The following FHIT variants were observed in gnomAD, a reference collection of about 807,000 sequenced individuals.
The protein encoded by FHIT is bis(5'-adenosyl)-triphosphatase.
A neutral mutation model predicts 17.9 loss-of-function variants in FHIT; 19 were observed. The observed-to-expected ratio is 1.06, with a 90% CI of 0.74 to 1.56. FHIT has a LOEUF of 1.56. Among genes scored for constraint, FHIT ranks in the 40% most tolerant of loss-of-function variants. The probability of loss-of-function intolerance (pLI) is 0.00; values close to 1 mark genes in which losing one functional copy is unlikely to be tolerated. For missense variants in FHIT, 248 were observed against 189.2 expected (o/e 1.31, Z -1.82); for synonymous variants, 81 against 69.7 (o/e 1.16, Z -0.81).
At chr3:60,104,360 T>C (rs899635994) in intron 5 of FHIT, among the ~76,000 whole-genome samples, 23 of 152,154 alleles carry the variant, frequency 1.5e-4, no homozygotes, top group African/African-American at 4.3e-4. Context: ...AGTGCTTTGA[T>C]TGTAATTATC....
chr3:60,709,726 AT>A (rs1240545092), intron 4 of FHIT, among the ~76,000 whole-genome samples: 1 of 152,184 alleles, frequency 6.6e-6, no homozygotes, highest in Non-Finnish European at 1.5e-5. Context: ...GTCTTTAAGT[AT>A]TGGGAAGCTG....
At chr3:60,835,395 T>G (rs1454556182) in intron 3 of FHIT, among the ~76,000 whole-genome samples, 2 of 152,214 alleles carry the variant, frequency 1.3e-5, no homozygotes, top group African/African-American at 2.4e-5. Flanking sequence ...TTTTAAAATT[T>G]ATTTCATCAA....
chr3:59,844,731 G>A (rs181144158), intron 8 of FHIT, among the ~76,000 whole-genome samples: 5 of 152,048 alleles, frequency 3.3e-5, no homozygotes, highest in African/African-American at 9.7e-5. Flanking sequence ...CTAGTATTTC[G>A]TTGAAGATTT....
intron 5 of FHIT, among the ~76,000 whole-genome samples, chr3:60,049,709 T>C (rs1701795161): frequency 6.6e-6 from 1 of 152,136 alleles, no homozygotes; most frequent in South Asian, 2.1e-4. Flanking sequence ...AAAAATAAAT[T>C]TTCTTGGTAC....
intron 5 of FHIT, among the ~76,000 whole-genome samples, chr3:60,046,590 G>A (rs1701663618): frequency 6.6e-6 from 1 of 152,170 alleles, no homozygotes; most frequent in Admixed American, 6.5e-5. Flanking sequence ...AAGACAAACA[G>A]AGCTAGCCTC....
intron 5 of FHIT, among the ~76,000 whole-genome samples, chr3:60,084,035 G>GAA (rs5849326): frequency 8.6e-5 from 13 of 152,020 alleles, no homozygotes; most frequent in South Asian, 4.1e-4. Context: ...ATTAAGTGGG[G>GAA]AAAAAATCAC....
chr3:60,248,830 A>G (rs1358041589), intron 5 of FHIT, among the ~76,000 whole-genome samples: 3 of 152,158 alleles, frequency 2.0e-5, no homozygotes, highest in Non-Finnish European at 4.4e-5. Flanking sequence ...TCCCGAATGC[A>G]GGGATAAAAC....
chr3:61,084,503 T>C (rs1229993895), intron 2 of FHIT, among the ~76,000 whole-genome samples: 1 of 152,224 alleles, frequency 6.6e-6, no homozygotes, highest in Non-Finnish European at 1.5e-5. Flanking sequence ...GAGTCACCAA[T>C]TCATGGATAT....
At chr3:61,205,190 A>G (rs1230027186) in intron 1 of FHIT, among the ~76,000 whole-genome samples, 1 of 151,982 alleles carries the variant, frequency 6.6e-6, no homozygotes, top group Non-Finnish European at 1.5e-5. Flanking sequence ...CATGGTGTAT[A>G]TGTGCCACAT....
At chr3:59,778,541 G>A (rs1469514262) in intron 8 of FHIT, among the ~76,000 whole-genome samples, 3 of 152,132 alleles carry the variant, frequency 2.0e-5, no homozygotes, top group Non-Finnish European at 2.9e-5. Context: ...CAGGCCATAT[G>A]GTCTCTGCCA....
rs370762859 is a variant in FHIT, at chr3:60,620,844, A to C, written c.-17-83865T>G. Reference sequence around the variant, plus strand: ...ATCAAAATTGGCTCATCAAATGTAAAAAATATACCACACTAATGCAAGTGT... The same window carrying C: ...ATCAAAATTGGCTCATCAAATGTAACAAATATACCACACTAATGCAAGTGT... On this transcript the variant is annotated intron_variant, in intron 4 of 9. Transcript: ENST00000492590. Among the ~76,000 whole-genome samples the C allele has an allele frequency of 9.9e-4, 151 of 152,326 alleles. 1 individual carries two copies. Among genetic ancestry groups the C allele is most frequent in the African/African-American group, 3.6e-3 (149 of 41,582 alleles).
At chr3:60,799,297 C>T (rs1488058278) in intron 4 of FHIT, among the ~76,000 whole-genome samples, 2 of 152,208 alleles carry the variant, frequency 1.3e-5, no homozygotes, top group Non-Finnish European at 2.9e-5. Context: ...GCCTCAGCCT[C>T]CCACGTAGCT....
chr3:61,017,435 C>T (rs779526828), intron 3 of FHIT, among the ~76,000 whole-genome samples: 1 of 152,186 alleles, frequency 6.6e-6, no homozygotes, highest in Non-Finnish European at 1.5e-5. Flanking sequence ...CTTAAGAGAA[C>T]TTCAGGACAC....
chr3:60,799,165 T>G (rs1701096783), intron 4 of FHIT, among the ~76,000 whole-genome samples: 1 of 152,066 alleles, frequency 6.6e-6, no homozygotes, highest in Admixed American at 6.5e-5. Flanking sequence ...AAATCCAAAG[T>G]CTTTTATGAT....
intron 3 of FHIT, among the ~76,000 whole-genome samples, chr3:60,931,483 A>G (rs1707951577): frequency 6.6e-6 from 1 of 152,344 alleles, no homozygotes; most frequent in African/African-American, 2.4e-5. Flanking sequence ...TAGAGAGATG[A>G]CATTTCGGAG....
intron 5 of FHIT, among the ~76,000 whole-genome samples, chr3:60,219,153 C>G (rs868205151): frequency 6.6e-6 from 1 of 152,222 alleles, no homozygotes; most frequent in Middle Eastern, 3.4e-3. Flanking sequence ...TAATTTCCTA[C>G]TGCATCTGGC....
At chr3:60,519,729 C>T (rs2035290122) in intron 5 of FHIT, among the ~76,000 whole-genome samples, 1 of 152,102 alleles carries the variant, frequency 6.6e-6, no homozygotes, top group East Asian at 1.9e-4. Flanking sequence ...AGGAATTTAA[C>T]CTTTTCTTGT....
chr3:60,911,243 G>A lies in FHIT; in HGVS notation c.-110-89232C>T, dbSNP rs570330085. ...TATAAAGGACAATAAGGATTAAGTT[G>A]GCACCACAAAAAGTCGCATTTAATG... On this transcript the variant is annotated intron_variant, in intron 3 of 9. Transcript: ENST00000492590. Among the ~76,000 whole-genome samples the A allele has an allele frequency of 1.2e-4, 19 of 152,040 alleles. No individual in the cohort carries two copies. The South Asian group carries it at 2.7e-3, about 22-fold the overall frequency.
At chr3:60,546,313 C>G (rs973716757) in intron 4 of FHIT, among the ~76,000 whole-genome samples, 2 of 152,218 alleles carry the variant, frequency 1.3e-5, no homozygotes, top group Admixed American at 1.3e-4. Context: ...ATTACACATT[C>G]TATTTTTATT....
Sources: gnomAD v4.1 joint callset for allele counts (sites outside exome capture counted in the v4.1 genomes callset) on GRCh38, gnomAD v4.1.1 for gene constraint, MANE v1.5 for transcripts, NCBI Gene and HGNC (gene_info 2026-07-23, HGNC 2026-07-21) for gene names.